CCDC102B: variants seen among roughly 807,000 people sequenced by gnomAD.
CCDC102B encodes coiled-coil domain-containing protein 102B.
A neutral mutation model predicts 57.4 loss-of-function variants in CCDC102B; 75 were observed. The ratio of observed to expected loss-of-function variants is 1.31; its 90% CI spans 1.08 to 1.58. The LOEUF (loss-of-function observed/expected upper bound fraction) is 1.58. Among genes scored for constraint, CCDC102B ranks in the 40% most tolerant of loss-of-function variants. The probability of loss-of-function intolerance (pLI) is 0.00; values close to 1 mark genes in which losing one functional copy is unlikely to be tolerated. For missense variants in CCDC102B, 636 were observed against 582.6 expected, an observed-to-expected ratio of 1.09 and a Z score of -0.94; for synonymous variants, 206 against 201.9, an observed-to-expected ratio of 1.02 and a Z score of -0.17.
Position 68,843,647 on chromosome 18 carries a change from A to G in CCDC102B, c.828-2666A>G, listed in dbSNP as rs756119575. 4.6e-5 allele frequency among the ~76,000 whole-genome samples: 7 copies of G among 152,192 alleles called. No individual in the cohort carries two copies. In the South Asian group the frequency reaches 1.0e-3, roughly 22 times the overall value. ...TAAACTTTATATCATCATATTAAAG[A>G]TACGACATTTTTGCTGAGCTTTGTC... On this transcript the variant is annotated intron_variant, in intron 3 of 7. Coordinates refer to ENST00000360242, the MANE Select transcript of CCDC102B (RefSeq NM_024781.3).
At chr18:68,938,458 A>G (rs2049300374) in intron 6 of CCDC102B, among the ~76,000 whole-genome samples, 1 of 151,964 alleles carries the variant, frequency 6.6e-6, no homozygotes, top group Non-Finnish European at 1.5e-5. Context: ...TACAAATGTC[A>G]TATCTAGACA....
At chr18:68,743,095 G>A (rs916230183) in intron 2 of CCDC102B, among the ~76,000 whole-genome samples, 1 of 152,020 alleles carries the variant, frequency 6.6e-6, no homozygotes, top group Non-Finnish European at 1.5e-5. Context: ...GTCAGGCATG[G>A]TGGCTCACAC....
chr18:68,815,781 T>C (rs904427737), intron 1 of CCDC102B, among the ~76,000 whole-genome samples: 3 of 152,150 alleles, frequency 2.0e-5, no homozygotes, highest in Non-Finnish European at 4.4e-5. Context: ...ATGTATGTAT[T>C]TTTTTAAAAA....
intron 3 of CCDC102B, among the ~76,000 whole-genome samples, chr18:68,844,871 A>G (rs751630115): frequency 6.6e-5 from 10 of 151,896 alleles, no homozygotes; most frequent in Non-Finnish European, 1.3e-4. Context: ...GCTGTGGTTA[A>G]TCTGGATTAT....
At chr18:69,011,291 C>A in intron 7 of CCDC102B, 187 bp downstream of exon 7, 2 of 578,064 alleles carry the variant, frequency 3.5e-6, no homozygotes, top group Non-Finnish European at 5.9e-6. Flanking sequence ...ATGTTTGTGG[C>A]GGTAATAGTA....
chr18:68,997,450 G>A (rs72950458), intron 6 of CCDC102B, among the ~76,000 whole-genome samples: 5,550 of 152,020 alleles, frequency 0.037, 157 homozygotes, highest in East Asian at 0.16. Flanking sequence ...ACCGATAAGT[G>A]TTCTGGCAAA....
At chr18:68,892,079 A>G (rs1047931699) in intron 5 of CCDC102B, among the ~76,000 whole-genome samples, 1 of 152,140 alleles carries the variant, frequency 6.6e-6, no homozygotes, top group Non-Finnish European at 1.5e-5. Context: ...TAAAAATCCA[A>G]GCTTTTGGGT....
intron 5 of CCDC102B, among the ~76,000 whole-genome samples, chr18:68,880,615 A>G (rs948637): frequency 0.91 from 139,036 of 152,278 alleles, 63,537 homozygotes; most frequent in East Asian, 0.99. Flanking sequence ...CTCTACTTTC[A>G]GGGTGAATTG....
At chr18:68,895,494 G>A (rs1348798144) in intron 5 of CCDC102B, among the ~76,000 whole-genome samples, 1 of 151,618 alleles carries the variant, frequency 6.6e-6, no homozygotes, top group African/African-American at 2.4e-5. Flanking sequence ...GCATGTCATA[G>A]CAACAGATTT....
rs2052777422 is a variant in CCDC102B at position 69,054,253 on chromosome 18, T to C, written c.*116T>C. On this transcript the variant is annotated 3_prime_UTR_variant, in exon 8 of 8. Transcript: ENST00000360242. ...ACTAGAAATATTAATGAAAAAAACG[T>C]AGACAATACACAAATTAATGGGCTT... is the stretch of plus-strand genomic sequence containing the variant. 7.3e-7 allele frequency: 1 copy of C among 1,367,274 alleles called. No individual in the cohort carries two copies. Among genetic ancestry groups the C allele is most frequent in the Non-Finnish European group, 9.4e-7 (1 of 1,066,462 alleles). The allele number at this position is 1,367,274 out of a possible 1,614,324, so 84.7% of individuals were successfully genotyped here.
intron 7 of CCDC102B, among the ~76,000 whole-genome samples, chr18:69,050,237 C>A (rs1399517964): frequency 6.6e-6 from 1 of 152,168 alleles, no homozygotes; most frequent in Non-Finnish European, 1.5e-5. Flanking sequence ...GTATACAGGA[C>A]AAAATAGCAC....
At chr18:68,776,461 ACACCACGGAATAC>A (rs1413503081) in intron 2 of CCDC102B, among the ~76,000 whole-genome samples, 1 of 152,222 alleles carries the variant, frequency 6.6e-6, no homozygotes, top group Admixed American at 6.5e-5. Flanking sequence ...TGGTACATAT[ACACCACGGAATAC>A]CATGCAGCCA....
intron 2 of CCDC102B, among the ~76,000 whole-genome samples, chr18:68,781,647 GA>G (rs759210553): frequency 1.3e-5 from 2 of 152,042 alleles, no homozygotes; most frequent in Non-Finnish European, 2.9e-5. Flanking sequence ...AAGCCAATGT[GA>G]TAAATAATTT....
At chr18:68,813,868 G>T (rs2036372692) in intron 1 of CCDC102B, among the ~76,000 whole-genome samples, 1 of 151,668 alleles carries the variant, frequency 6.6e-6, no homozygotes. Context: ...TGAGAACGAT[G>T]TGATAGTATT....
intron 6 of CCDC102B, among the ~76,000 whole-genome samples, chr18:68,954,330 G>A (rs553856232): frequency 6.6e-6 from 1 of 152,280 alleles, no homozygotes; most frequent in African/African-American, 2.4e-5. Context: ...TTAGGCAGGA[G>A]AATCGCTTGA....
At chr18:68,906,450 G>T (rs1426167705) in intron 6 of CCDC102B, among the ~76,000 whole-genome samples, 1 of 152,130 alleles carries the variant, frequency 6.6e-6, no homozygotes, top group African/African-American at 2.4e-5. Flanking sequence ...AGCAATACGT[G>T]AGGGTTTTTA....
chr18:68,874,828 C>A, intron 5 of CCDC102B, 43 bp downstream of exon 5: 1 of 1,225,452 alleles, frequency 8.2e-7, no homozygotes, highest in Non-Finnish European at 1.2e-6. Context: ...TAAAACATAA[C>A]TGACTGTTGT....
intron 6 of CCDC102B, among the ~76,000 whole-genome samples, chr18:68,925,957 T>C (rs1050692136): frequency 6.6e-6 from 1 of 152,020 alleles, no homozygotes; most frequent in Non-Finnish European, 1.5e-5. Flanking sequence ...TTTTGTTTTT[T>C]ATAAACAAAT....
At chr18:68,910,674 A>G (rs2040807513) in intron 6 of CCDC102B, among the ~76,000 whole-genome samples, 2 of 152,236 alleles carry the variant, frequency 1.3e-5, no homozygotes, top group African/African-American at 4.8e-5. Context: ...TACTGTAGAA[A>G]TAGTTAATTC....
Sources: gnomAD v4.1 joint callset for allele counts (sites outside exome capture counted in the v4.1 genomes callset) on GRCh38, gnomAD v4.1.1 for gene constraint, MANE v1.5 for transcripts, NCBI Gene and HGNC (gene_info 2026-07-23, HGNC 2026-07-21) for gene names.